Variants in BICRA observed in about 807,000 individuals in gnomAD.
The protein encoded by BICRA is BRD4-interacting chromatin-remodeling complex-associated protein.
Under a neutral mutation model 96.9 loss-of-function variants are expected in BICRA, and 31 were observed. The observed-to-expected ratio is 0.32, with a 90% CI of 0.24 to 0.43. BICRA has a LOEUF of 0.43. Among genes scored for constraint, BICRA ranks in the 20% least tolerant of loss-of-function variants. The pLI is 1.00. For synonymous variants in BICRA, 1,350 were observed against 1,071.8 expected, an observed-to-expected ratio of 1.26 and a Z score of -5.07; for missense variants, 2,283 against 2,190.3, an observed-to-expected ratio of 1.04 and a Z score of -0.84.
At chr19:47,656,848 T>C (rs1318105129) in intron 1 of BICRA, among the ~76,000 whole-genome samples, 1 of 152,046 alleles carries the variant, frequency 6.6e-6, no homozygotes, top group Non-Finnish European at 1.5e-5. Flanking sequence ...AAATCAGTTC[T>C]GGATATTGTA....
Position 47,667,254 on chromosome 19 carries a change from A to T in BICRA, c.-107-3189A>T, listed in dbSNP as rs570707611. On this transcript the variant is annotated intron_variant, in intron 1 of 14. Coordinates refer to ENST00000594866, the MANE Select transcript of BICRA (RefSeq NM_001394372.1). ...ATGGTCTCGATCTCCTGACCTTGTG[A>T]TCCGCCCGCCTTGGCCTCCCAAAGT... Among the ~76,000 whole-genome samples the T allele has an allele frequency of 1.1e-3, 163 of 152,130 alleles. No homozygotes were observed. In the Middle Eastern group the frequency reaches 0.017, roughly 16 times the overall value.
At position 47,648,274 on chromosome 19, in the gene BICRA, T is replaced by C. The variant is rs190611664; in HGVS notation, c.-107-22169T>C. Among the ~76,000 whole-genome samples the C allele has an allele frequency of 1.1e-3, 165 of 152,086 alleles. No individual in the cohort carries two copies. In the Middle Eastern group the frequency reaches 0.014, roughly 13 times the overall value. ...TTTCACCTCCTCTCCCGCCTCCAGC[T>C]GACCAATCCCTGGGGTTTCTGGTCG... On this transcript the variant is annotated intron_variant, in intron 1 of 14. Coordinates refer to ENST00000594866, the MANE Select transcript of BICRA (RefSeq NM_001394372.1).
chr19:47,664,130 C>T (rs1161345065), intron 1 of BICRA, among the ~76,000 whole-genome samples: 3 of 152,180 alleles, frequency 2.0e-5, no homozygotes, highest in Non-Finnish European at 2.9e-5. Flanking sequence ...ATTTGCACTT[C>T]TTATCAGCAA....
rs1972096855 is a variant in BICRA at position 47,623,618 on chromosome 19, G to C, written c.-108+14450G>C. Among the ~76,000 whole-genome samples the C allele has an allele frequency of 1.3e-5, 2 of 152,176 alleles. 1 individual carries two copies. The highest frequency in any genetic ancestry group is 2.9e-5 in the Non-Finnish European group (2 of 68,044). ...CTTCAGGGACTGGGGAGAGCGATGA[G>C]GCAGGAACACACCCATTCCCCTGCA... On this transcript the variant is annotated intron_variant, in intron 1 of 14. Coordinates refer to ENST00000594866, the MANE Select transcript of BICRA (RefSeq NM_001394372.1).
intron 1 of BICRA, among the ~76,000 whole-genome samples, chr19:47,660,068 C>G (rs919525663): frequency 2.0e-5 from 3 of 152,166 alleles, no homozygotes; most frequent in African/African-American, 2.4e-5. Context: ...ACCACAGATG[C>G]AGGATCTTAA....
intron 1 of BICRA, among the ~76,000 whole-genome samples, chr19:47,659,971 A>G (rs1281216221): frequency 6.6e-6 from 1 of 152,086 alleles, no homozygotes; most frequent in East Asian, 1.9e-4. Context: ...GGCTACATAT[A>G]TATCTTCTAT....
At chr19:47,688,191 G>A (rs1453506205) in intron 7 of BICRA, among the ~76,000 whole-genome samples, 2 of 152,026 alleles carry the variant, frequency 1.3e-5, no homozygotes, top group East Asian at 3.9e-4. Context: ...GAGGGAGGCT[G>A]AGGCAGGAGG....
At chr19:47,669,467 T>C (rs1972830596) in intron 1 of BICRA, among the ~76,000 whole-genome samples, 1 of 152,042 alleles carries the variant, frequency 6.6e-6, no homozygotes, top group Non-Finnish European at 1.5e-5. Flanking sequence ...ATAGCAAGAA[T>C]TGGCTGTATT....
Position 47,702,459 on chromosome 19 carries a change from C to A in BICRA, c.*44C>A. 1 of 1,429,744 alleles carries A rather than the reference C, an allele frequency of 7.0e-7. No individual in the cohort carries two copies. Among genetic ancestry groups the A allele is most frequent in the Non-Finnish European group, 9.1e-7 (1 of 1,103,506 alleles). The allele number at this position is 1,429,744 out of a possible 1,614,324, so 88.6% of individuals were successfully genotyped here. ...TCCCCGTCCCCTCCTCCCGAAGACG[C>A]CGGGACAGTCGGGTGTCCGCCCTCA... On this transcript the variant is annotated 3_prime_UTR_variant, in exon 15 of 15. Coordinates refer to ENST00000594866, the MANE Select transcript of BICRA (RefSeq NM_001394372.1).
chr19:47,618,780 T>C (rs533366800), intron 1 of BICRA, among the ~76,000 whole-genome samples: 1 of 152,312 alleles, frequency 6.6e-6, no homozygotes, highest in African/African-American at 2.4e-5. Context: ...CTAAAGACCC[T>C]TGGGGTCCTT....
In BICRA at chr19:47,612,059, C is replaced by T. The variant is rs79443031; in HGVS notation, c.-108+2891C>T. 6.4e-4 allele frequency among the ~76,000 whole-genome samples: 97 copies of T among 152,086 alleles called. No homozygotes were observed. In the East Asian group the frequency reaches 0.013, roughly 21 times the overall value. ...CTAAATTTTGTATATTTAGTAAAGA[C>T]GGGATTTCACCATATTGGCCAGGCT... On this transcript the variant is annotated intron_variant, in intron 1 of 14. Coordinates refer to ENST00000594866, the MANE Select transcript of BICRA (RefSeq NM_001394372.1).
chr19:47,666,452 A>G (rs1000572399), intron 1 of BICRA, among the ~76,000 whole-genome samples: 7 of 151,620 alleles, frequency 4.6e-5, no homozygotes, highest in African/African-American at 1.7e-4. Context: ...GCTGTTTTGT[A>G]TTTTAGTAGA....
intron 1 of BICRA, among the ~76,000 whole-genome samples, chr19:47,624,624 C>A (rs1473441221): frequency 6.6e-6 from 1 of 151,684 alleles, no homozygotes; most frequent in African/African-American, 2.4e-5. Flanking sequence ...ACCTTCAGTT[C>A]GTAAAAAAAT....
At chr19:47,651,940 G>A (rs1972547029) in intron 1 of BICRA, among the ~76,000 whole-genome samples, 1 of 152,222 alleles carries the variant, frequency 6.6e-6, no homozygotes, top group African/African-American at 2.4e-5. Context: ...CCCGGGACCT[G>A]CTCTGGGACA....
intron 7 of BICRA, among the ~76,000 whole-genome samples, chr19:47,690,223 A>G (rs1184477082): frequency 6.6e-6 from 1 of 151,928 alleles, no homozygotes; most frequent in Non-Finnish European, 1.5e-5. Flanking sequence ...GCTGGTCTCA[A>G]ACTCCTGACC....
At chr19:47,683,164 C>T (rs1041050830) in intron 7 of BICRA, among the ~76,000 whole-genome samples, 3 of 152,130 alleles carry the variant, frequency 2.0e-5, no homozygotes, top group African/African-American at 7.2e-5. Context: ...AATTTGCTGG[C>T]TCTAAAGGCA....
chr19:47,662,355 A>G (rs1264739249), intron 1 of BICRA: 1 of 152,164 alleles, frequency 6.6e-6, no homozygotes, highest in Admixed American at 6.6e-5. Context: ...CAGCTGGGCA[A>G]AGACTGGAAG....
In BICRA at chr19:47,696,545, C is replaced by T. The variant is rs1306780310; in HGVS notation, c.3248+33C>T. ...CACACCCCATCCTTGCATGCCTGCC[C>T]TGTACCTTCCAGAGACCTGGGGGAG... On this transcript the variant is annotated intron_variant, in intron 11 of 14. Transcript: ENST00000594866. 2.5e-6 allele frequency: 4 copies of T among 1,568,814 alleles called. No individual in the cohort carries two copies. The African/African-American group carries it at 4.1e-5, about 16-fold the overall frequency.
chr19:47,612,267 T>A (rs941089270), intron 1 of BICRA, among the ~76,000 whole-genome samples: 13 of 151,558 alleles, frequency 8.6e-5, no homozygotes, highest in African/African-American at 2.4e-4. Flanking sequence ...ATGAAAAAAT[T>A]AGTTGGGCAT....
Sources: gnomAD v4.1 joint callset for allele counts (sites outside exome capture counted in the v4.1 genomes callset) on GRCh38, gnomAD v4.1.1 for gene constraint, MANE v1.5 for transcripts, NCBI Gene and HGNC (gene_info 2026-07-23, HGNC 2026-07-21) for gene names.